Variants in CETN3 observed in about 807,000 individuals in gnomAD.
CETN3 encodes centrin-3.
Under a neutral mutation model 20.1 loss-of-function variants are expected in CETN3, and 17 were observed. The ratio of observed to expected loss-of-function variants is 0.85; its 90% CI spans 0.58 to 1.27. The LOEUF (loss-of-function observed/expected upper bound fraction) is 1.27. Ranked by LOEUF, CETN3 falls within the 50% of genes most tolerant of loss-of-function variation. The pLI is 0.00. For synonymous variants in CETN3, 52 were observed against 59.7 expected (o/e 0.87, Z 0.59); for missense variants, 169 against 191.2 (o/e 0.88, Z 0.69).
At position 90,396,612 on chromosome 5, in the gene CETN3, C is replaced by T. The variant is rs1240014983; in HGVS notation, c.461-2505G>A. The T allele has an allele frequency of 2.9e-6, 4 of 1,373,040 alleles. No individual in the cohort carries two copies. In the African/African-American group the frequency reaches 5.8e-5, roughly 20 times the overall value. The allele number at this position is 1,373,040 out of a possible 1,614,324, so 85.1% of individuals were successfully genotyped here. ...AAACAGCCTTAGAATGATTTGATTA[C>T]AAATCATTTTAACAGTGTAATACAT... On this transcript the variant is annotated intron_variant, in intron 4 of 4. Transcript: ENST00000283122.
At position 90,399,122 on chromosome 5, in the gene CETN3, G is replaced by A. The variant is rs940304744; in HGVS notation, c.460+236C>T. 3.4e-5 allele frequency: 20 copies of A among 587,316 alleles called. No individual in the cohort carries two copies. The Admixed American group carries it at 4.5e-4, about 13-fold the overall frequency. The allele number at this position is 587,316 out of a possible 1,614,324, so 36.4% of individuals were successfully genotyped here. ...ATTAAAGACTGAAATTATATTGAAAGGCTGAAATTTTGGTGGTTTCACCTT... is the reference window on the plus strand; with the variant it reads ...ATTAAAGACTGAAATTATATTGAAAAGCTGAAATTTTGGTGGTTTCACCTT... On this transcript the variant is annotated intron_variant, in intron 4 of 4. Coordinates refer to ENST00000283122, the MANE Select transcript of CETN3 (RefSeq NM_004365.4).
At chr5:90,409,227 T>C (rs1244956424) in intron 1 of CETN3, among the ~76,000 whole-genome samples, 2 of 152,186 alleles carry the variant, frequency 1.3e-5, no homozygotes, top group African/African-American at 4.8e-5. Context: ...AGAGTTTTTG[T>C]TATTTCCAAA....
intron 1 of CETN3, 115 bp from the exon 2 acceptor site, chr5:90,407,949 G>A: frequency 1.1e-6 from 1 of 881,296 alleles, no homozygotes; most frequent in East Asian, 2.8e-5. Flanking sequence ...GAAAGATAGG[G>A]AAACTTTCCC....
chr5:90,406,331 T>G (rs767364635), intron 2 of CETN3, among the ~76,000 whole-genome samples: 2 of 152,068 alleles, frequency 1.3e-5, no homozygotes, highest in African/African-American at 4.8e-5. Flanking sequence ...TTGGAAAGAT[T>G]CAAACTGTTC....
At position 90,399,538 on chromosome 5, in the gene CETN3, T is replaced by A; in HGVS notation, c.280A>T (p.Ile94Leu). ...TCTTCATGGGGATCTCTTTCCAATA[T>A]CCAGTCTGTCACTACAGTTTAAAAA... ...EDFNEVVTDWILERDPHEEIL... is the reference protein window; with the variant it reads ...EDFNEVVTDWLLERDPHEEIL... Residue 94 changes from isoleucine (I) to leucine (L), a missense_variant, in exon 4 of 5, where the codon ATA becomes TTA. Transcript: ENST00000283122. 1 of 1,611,282 alleles carries A rather than the reference T, an allele frequency of 6.2e-7. No individual in the cohort carries two copies. The highest frequency in any genetic ancestry group is 8.5e-7 in the Non-Finnish European group (1 of 1,178,020).
intron 4 of CETN3, chr5:90,395,874 A>C: frequency 1.1e-6 from 1 of 900,856 alleles, no homozygotes; most frequent in East Asian, 1.2e-4. Flanking sequence ...GGGAATGAAA[A>C]GAATATATAC....
chr5:90,396,590 C>T (rs1464981141), intron 4 of CETN3: 11 of 1,482,760 alleles, frequency 7.4e-6, no homozygotes, highest in Middle Eastern at 1.7e-4. Context: ...AAACATAAAA[C>T]AGCCTTAGAA....
chr5:90,408,773 G>T (rs886914236), intron 1 of CETN3, among the ~76,000 whole-genome samples: 4 of 122,794 alleles, frequency 3.3e-5, no homozygotes, highest in African/African-American at 1.3e-4. Context: ...AGTTGCATTT[G>T]AAAGTCGTTT....
In CETN3 at chr5:90,393,880, T is replaced by C. The variant is rs981334162; in HGVS notation, c.*184A>G. The C allele has an allele frequency of 1.3e-4, 61 of 467,098 alleles. No homozygotes were observed. The highest frequency in any genetic ancestry group is 1.5e-5 in the Non-Finnish European group (4 of 266,578). 28.9% of individuals were successfully genotyped at this position (467,098 alleles called of 1,614,324 possible). On this transcript the variant is annotated 3_prime_UTR_variant, in exon 5 of 5. Coordinates refer to ENST00000283122, the MANE Select transcript of CETN3 (RefSeq NM_004365.4). The stretch of plus-strand genomic sequence containing the variant: ...ATTATAAATACAAAGCTAAACTATC[T>C]GAGTACTAACAACACAGTTCATACA...
rs545234679 is a variant in CETN3, at chr5:90,396,200, A to G, written c.461-2093T>C. 4.1e-6 allele frequency: 4 copies of G among 985,368 alleles called. No individual in the cohort carries two copies. The East Asian group carries it at 4.5e-4, about 112-fold the overall frequency. 61.0% of individuals were successfully genotyped at this position (985,368 alleles called of 1,614,324 possible). Reference sequence around the variant, plus strand: ...AAAGAATAGTGTATGCCTCACAGAAATAAGCTATGAGTTAGGAAAAATGCA... The same window carrying G: ...AAAGAATAGTGTATGCCTCACAGAAGTAAGCTATGAGTTAGGAAAAATGCA... On this transcript the variant is annotated intron_variant, in intron 4 of 4. Coordinates refer to ENST00000283122, the MANE Select transcript of CETN3 (RefSeq NM_004365.4).
Position 90,405,684 on chromosome 5 carries a change from C to G in CETN3, c.268+1G>C. On this transcript the variant is annotated splice_donor_variant, in intron 3 of 4. Transcript: ENST00000283122. LOFTEE classifies it high-confidence loss of function. Reference sequence around the variant, plus strand: ...ATTACAAAGACTATTAAAATACACACCAACTTCATTAAAATCTTCAAAGGT... The same window carrying G: ...ATTACAAAGACTATTAAAATACACAGCAACTTCATTAAAATCTTCAAAGGT... 1 of 1,564,508 alleles carries G rather than the reference C, an allele frequency of 6.4e-7. No homozygotes were observed. Among genetic ancestry groups the G allele is most frequent in the Non-Finnish European group, 8.8e-7 (1 of 1,135,166 alleles).
intron 4 of CETN3, among the ~76,000 whole-genome samples, chr5:90,396,832 T>G (rs1344596528): frequency 2.6e-5 from 4 of 152,070 alleles, no homozygotes; most frequent in Non-Finnish European, 5.9e-5. Flanking sequence ...CAAAAGTATT[T>G]AAAATACGGT....
chr5:90,402,068 T>A (rs1354431045), intron 3 of CETN3, among the ~76,000 whole-genome samples: 1 of 152,142 alleles, frequency 6.6e-6, no homozygotes, highest in Admixed American at 6.5e-5. Context: ...CCCCAGCTGG[T>A]CTCAAACTCC....
chr5:90,396,356 A>G, intron 4 of CETN3: 1 of 1,343,894 alleles, frequency 7.4e-7, no homozygotes, highest in Non-Finnish European at 9.5e-7. Context: ...AGAATCTTAC[A>G]AATTGATGTA....
chr5:90,395,142 T>C (rs990350283), intron 4 of CETN3, among the ~76,000 whole-genome samples: 1 of 152,184 alleles, frequency 6.6e-6, no homozygotes, highest in African/African-American at 2.4e-5. Flanking sequence ...ATGTTTTAGA[T>C]TGTTTAACTC....
chr5:90,402,298 T>G (rs1328701505), intron 3 of CETN3, among the ~76,000 whole-genome samples: 1 of 152,214 alleles, frequency 6.6e-6, no homozygotes, highest in Non-Finnish European at 1.5e-5. Context: ...TCATATCCCC[T>G]TCCCTTAAAA....
intron 3 of CETN3, among the ~76,000 whole-genome samples, chr5:90,399,811 A>C (rs998010292): frequency 1.1e-4 from 16 of 152,220 alleles, no homozygotes; most frequent in Non-Finnish European, 1.5e-5. Context: ...ACACAGAGGC[A>C]AAATAAAAAG....
At chr5:90,399,919 G>A (rs1223081558) in intron 3 of CETN3, among the ~76,000 whole-genome samples, 1 of 152,208 alleles carries the variant, frequency 6.6e-6, no homozygotes, top group East Asian at 1.9e-4. Flanking sequence ...TCATCTACCT[G>A]TGGAGAGACA....
chr5:90,400,689 G>A (rs1398270547), intron 3 of CETN3, among the ~76,000 whole-genome samples: 3 of 150,818 alleles, frequency 2.0e-5, no homozygotes, highest in Non-Finnish European at 4.4e-5. Context: ...ACAAGCTGTT[G>A]TTTTGCTGCT....
Sources: allele counts gnomAD v4.1 joint callset (sites outside exome capture counted in the v4.1 genomes callset), GRCh38; gene constraint gnomAD v4.1.1; transcripts MANE v1.5; gene names NCBI Gene and HGNC (gene_info 2026-07-23, HGNC 2026-07-21).